Variants in MMP16 observed in about 807,000 individuals in gnomAD.
The protein encoded by MMP16 is matrix metallopeptidase 16.
A neutral mutation model predicts 67.8 loss-of-function variants in MMP16; 12 were observed. That is an observed-to-expected ratio of 0.18 (90% CI 0.11 to 0.29). MMP16 has a LOEUF of 0.29. MMP16 is among the 10% of genes least tolerant of loss of function. The pLI is 1.00. For synonymous variants in MMP16, 249 were observed against 255.9 expected, an observed-to-expected ratio of 0.97 and a Z score of 0.26; for missense variants, 475 against 765.7, an observed-to-expected ratio of 0.62 and a Z score of 4.48.
chr8:88,270,618 T>C (rs1026537453), intron 1 of MMP16, among the ~76,000 whole-genome samples: 1 of 152,186 alleles, frequency 6.6e-6, no homozygotes, highest in Non-Finnish European at 1.5e-5. Flanking sequence ...AATTAAATGG[T>C]TATTGAATTA....
intron 3 of MMP16, among the ~76,000 whole-genome samples, chr8:88,170,771 C>G (rs1188590975): frequency 6.6e-6 from 1 of 152,144 alleles, no homozygotes; most frequent in Non-Finnish European, 1.5e-5. Flanking sequence ...GTGAGAACGC[C>G]AAACAAACAT....
chr8:88,276,355 T>C (rs28904577), intron 1 of MMP16, among the ~76,000 whole-genome samples: 2,468 of 152,244 alleles, frequency 0.016, 36 homozygotes, highest in Non-Finnish European at 0.025. Flanking sequence ...TGTGGTCTTT[T>C]GCATCTTTGG....
intron 4 of MMP16, among the ~76,000 whole-genome samples, chr8:88,123,966 C>T (rs1807884282): frequency 6.6e-6 from 1 of 151,922 alleles, no homozygotes. Flanking sequence ...ACTCTAGAAC[C>T]ATCCCTCAGT....
Position 88,076,796 on chromosome 8 carries a change from G to T in MMP16, c.1084-2053C>A, listed in dbSNP as rs1477912. On this transcript the variant is annotated intron_variant, in intron 6 of 9. Transcript: ENST00000286614. ...AATGTATATGCCAAAATAATTAGTA[G>T]AAATGAATAAACAAATGGATTCTGA... Among the ~76,000 whole-genome samples, 701 of 152,230 alleles carry T rather than the reference G, an allele frequency of 4.6e-3. 4 individuals carry two copies. The highest frequency in any genetic ancestry group is 0.016 in the African/African-American group (647 of 41,542).
intron 1 of MMP16, among the ~76,000 whole-genome samples, chr8:88,285,659 T>C (rs1050492173): frequency 1.3e-5 from 2 of 152,190 alleles, no homozygotes; most frequent in African/African-American, 4.8e-5. Flanking sequence ...TGTCTCTATT[T>C]ATATATTTCA....
intron 1 of MMP16, among the ~76,000 whole-genome samples, chr8:88,251,513 A>C (rs1460481380): frequency 8.0e-5 from 11 of 137,992 alleles, no homozygotes; most frequent in African/African-American, 3.3e-4. Context: ...TAAAGACTTA[A>C]ACGTTAGACC....
At chr8:88,147,974 T>C (rs532734949) in intron 4 of MMP16, among the ~76,000 whole-genome samples, 11 of 152,316 alleles carry the variant, frequency 7.2e-5, no homozygotes, top group African/African-American at 2.4e-4. Context: ...TTTGTACTAT[T>C]TTCCGTATCT....
chr8:88,124,893 A>C (rs1807901099), intron 4 of MMP16, among the ~76,000 whole-genome samples: 1 of 151,892 alleles, frequency 6.6e-6, no homozygotes, highest in African/African-American at 2.4e-5. Flanking sequence ...CTCACTTCGT[A>C]AACAGAGAGA....
At position 88,182,698 on chromosome 8, in the gene MMP16, A is replaced by C. The variant is rs565917662; in HGVS notation, c.404+3778T>G. 1.1e-4 allele frequency among the ~76,000 whole-genome samples: 16 copies of C among 152,218 alleles called. 2 individuals are homozygous for C. In the South Asian group the frequency reaches 1.5e-3, roughly 14 times the overall value. On this transcript the variant is annotated intron_variant, in intron 3 of 9. Coordinates refer to ENST00000286614, the MANE Select transcript of MMP16 (RefSeq NM_005941.5). ...GTCTTATCATATGATCAGCAATGAC[A>C]CTCCTTGATATTTATCCAAATGAGT...
intron 4 of MMP16, 64 bp from the exon 5 acceptor site, chr8:88,118,925 A>T: frequency 1.4e-6 from 2 of 1,474,520 alleles, no homozygotes; most frequent in South Asian, 1.2e-5. Flanking sequence ...TGAAAAGGAC[A>T]ATTTGGTATT....
intron 1 of MMP16, among the ~76,000 whole-genome samples, chr8:88,285,305 A>G (rs962162484): frequency 6.6e-6 from 1 of 151,894 alleles, no homozygotes; most frequent in African/African-American, 2.4e-5. Context: ...ACGCCCAGCT[A>G]ATTTTTATAT....
chr8:88,216,012 C>T (rs1809587079), intron 1 of MMP16, among the ~76,000 whole-genome samples: 1 of 152,094 alleles, frequency 6.6e-6, no homozygotes, highest in African/African-American at 2.4e-5. Context: ...ATATTTGTGG[C>T]AGCTGAAAGT....
At chr8:88,178,491 A>G (rs1378350574) in intron 3 of MMP16, among the ~76,000 whole-genome samples, 1 of 152,180 alleles carries the variant, frequency 6.6e-6, no homozygotes, top group Non-Finnish European at 1.5e-5. Context: ...TTGAAAAAAG[A>G]ATTGAAATGA....
chr8:88,175,203 T>C lies in MMP16; in HGVS notation c.405-7230A>G, dbSNP rs554878974. Among the ~76,000 whole-genome samples the C allele has an allele frequency of 2.6e-5, 4 of 152,296 alleles. 1 individual carries two copies. Among genetic ancestry groups the C allele is most frequent in the African/African-American group, 7.2e-5 (3 of 41,564 alleles). On this transcript the variant is annotated intron_variant, in intron 3 of 9. Transcript: ENST00000286614. ...ACCACTGCTTTGTATACCAAAGTAA[T>C]CCGGTCATTTTAGCTTTTTCTGGGT...
At chr8:88,319,915 A>G (rs894435111) in intron 1 of MMP16, among the ~76,000 whole-genome samples, 1 of 152,200 alleles carries the variant, frequency 6.6e-6, no homozygotes, top group African/African-American at 2.4e-5. Flanking sequence ...AGGGTCCATG[A>G]CTTACTTCAA....
intron 3 of MMP16, among the ~76,000 whole-genome samples, chr8:88,180,196 G>A (rs182777617): frequency 2.9e-3 from 441 of 151,910 alleles, no homozygotes; most frequent in African/African-American, 9.6e-3. Context: ...CAGGAGAATC[G>A]CTTGAACCTG....
rs540217552 is a variant in MMP16, at chr8:88,102,724, G to A, written c.1083+13783C>T. On this transcript the variant is annotated intron_variant, in intron 6 of 9. Coordinates refer to ENST00000286614, the MANE Select transcript of MMP16 (RefSeq NM_005941.5). ...CTGCCAGCTGTCAGTCAACTCATTC[G>A]CATAAAAAAAGATATCACTTTGAAG... Among the ~76,000 whole-genome samples, 6 of 151,780 alleles carry A rather than the reference G, an allele frequency of 4.0e-5. No homozygotes were observed. In the East Asian group the frequency reaches 7.8e-4, roughly 20 times the overall value.
chr8:88,153,823 A>C (rs1288689582), intron 4 of MMP16, among the ~76,000 whole-genome samples: 1 of 151,842 alleles, frequency 6.6e-6, no homozygotes, highest in African/African-American at 2.4e-5. Context: ...CTTCATGTCC[A>C]AAACACCAAA....
chr8:88,098,853 C>T (rs1418097584), intron 6 of MMP16, among the ~76,000 whole-genome samples: 1 of 151,788 alleles, frequency 6.6e-6, no homozygotes, highest in East Asian at 1.9e-4. Flanking sequence ...TATGGCTAAA[C>T]TTGCAAAAAT....
Sources: allele counts gnomAD v4.1 joint callset (sites outside exome capture counted in the v4.1 genomes callset), GRCh38; gene constraint gnomAD v4.1.1; transcripts MANE v1.5; gene names NCBI Gene and HGNC (gene_info 2026-07-23, HGNC 2026-07-21).